The following SLC12A9 variants were observed in gnomAD, a reference collection of about 807,000 sequenced individuals.
SLC12A9 encodes CCC-interacting protein 1.
SLC12A9 carries 55 observed loss-of-function variants against 66.0 expected under a neutral mutation model. The ratio of observed to expected loss-of-function variants is 0.83; its 90% CI spans 0.67 to 1.04. SLC12A9 has a LOEUF of 1.04. SLC12A9 is among the 50% of genes least tolerant of loss of function. The probability of loss-of-function intolerance (pLI) is 0.00; values close to 1 mark genes in which losing one functional copy is unlikely to be tolerated. For synonymous variants in SLC12A9, 577 were observed against 569.0 expected, an observed-to-expected ratio of 1.01 and a Z score of -0.20; for missense variants, 1,061 against 1,241.9, an observed-to-expected ratio of 0.85 and a Z score of 2.19.
rs778054704 is a variant in SLC12A9 at position 100,857,181 on chromosome 7, G to A, written c.757+5G>A. ...CCCTGAAGGACAACTTGGGCGGTGA[G>A]CTGGGTGCTGCCGTGGCAGGGATCT... On this transcript the variant is annotated splice_donor_5th_base_variant and intron_variant, in intron 5 of 13. Coordinates refer to ENST00000354161, the MANE Select transcript of SLC12A9 (RefSeq NM_020246.4). The A allele has an allele frequency of 2.5e-6, 4 of 1,605,538 alleles. No individual in the cohort carries two copies. The South Asian group carries it at 4.4e-5, about 18-fold the overall frequency.
chr7:100,827,054 T>G, intron 1 of SLC12A9: 1 of 1,569,352 alleles, frequency 6.4e-7, no homozygotes, highest in Non-Finnish European at 8.6e-7. Context: ...TCGGGTAGGA[T>G]CCGAACTGAG....
At chr7:100,834,846 C>T (rs1813616792) in intron 1 of SLC12A9, among the ~76,000 whole-genome samples, 1 of 152,052 alleles carries the variant, frequency 6.6e-6, no homozygotes, top group African/African-American at 2.4e-5. Flanking sequence ...CCAGTCTGGG[C>T]AACAGAGCAA....
intron 1 of SLC12A9, among the ~76,000 whole-genome samples, chr7:100,837,826 A>G (rs1288580325): frequency 1.8e-5 from 2 of 113,256 alleles, no homozygotes; most frequent in African/African-American, 3.6e-5. Context: ...TATTTCATCT[A>G]TTTATTTTTA....
At position 100,858,935 on chromosome 7, in the gene SLC12A9, C is replaced by T. The variant is rs947912039; in HGVS notation, c.858C>T (p.Asn286=). 5 of 1,613,986 alleles carry T rather than the reference C, an allele frequency of 3.1e-6. No individual in the cohort carries two copies. The African/African-American group carries it at 4.0e-5, about 13-fold the overall frequency. The change falls in exon 6 of 14, where the codon AAC becomes AAT. Residue 286 remains asparagine, a synonymous_variant. Coordinates refer to ENST00000354161, the MANE Select transcript of SLC12A9 (RefSeq NM_020246.4). ...GTACAGGCATCATGGCTGGGGCCAA[C>T]ATGTCAGGTGAGAGTCCCTGCCTGC... ...NGCTGIMAGA[N]MSGELKDPSR...
chr7:100,843,622 C>G (rs1813834218), intron 1 of SLC12A9, among the ~76,000 whole-genome samples: 1 of 152,124 alleles, frequency 6.6e-6, no homozygotes, highest in Non-Finnish European at 1.5e-5. Context: ...GTTTAAGGGC[C>G]CTAGCAGCAA....
At position 100,845,852 on chromosome 7, in the gene SLC12A9, T is replaced by C. The variant is rs189306328; in HGVS notation, n.229-14033T>C. Among the ~76,000 whole-genome samples, 141 of 152,302 alleles carry C rather than the reference T, an allele frequency of 9.3e-4. 1 individual carries two copies. The highest frequency in any genetic ancestry group is 2.7e-3 in the African/African-American group (113 of 41,564). On this transcript the variant is annotated intron_variant and non_coding_transcript_variant, in intron 1 of 1. Transcript: ENST00000461016. ...GGCTCGTGAAGATACTGGACCCCCATTTATATAATCAACTGAATCATATGG... is the reference window on the plus strand; with the variant it reads ...GGCTCGTGAAGATACTGGACCCCCACTTATATAATCAACTGAATCATATGG...
intron 1 of SLC12A9, among the ~76,000 whole-genome samples, chr7:100,838,581 G>A (rs780461643): frequency 1.3e-5 from 2 of 151,980 alleles, no homozygotes; most frequent in African/African-American, 4.8e-5. Flanking sequence ...ACAGTGACGC[G>A]ATCTTGGCTC....
At position 100,858,905 on chromosome 7, in the gene SLC12A9, C is replaced by T. The variant is rs765458785; in HGVS notation, c.828C>T (p.Asn276=). Residue 276 remains asparagine, a synonymous_variant, in exon 6 of 14, where the codon AAC becomes AAT. Transcript: ENST00000354161. The stretch of plus-strand genomic sequence containing the variant: ...CCAGCGTCTTTGCTGTCCTCTTTAA[C>T]GGCTGTACAGGCATCATGGCTGGGG... The part of the protein sequence containing the change: ...NFASVFAVLF[N]GCTGIMAGAN... 1.5e-5 allele frequency: 24 copies of T among 1,614,048 alleles called. No individual in the cohort carries two copies. Among genetic ancestry groups the T allele is most frequent in the South Asian group, 1.1e-4 (10 of 91,090 alleles).
At chr7:100,826,962 C>CT (rs1554421537) in exon 1 of SLC12A9, 1 of 1,527,348 alleles carries the variant, frequency 6.5e-7, no homozygotes, top group East Asian at 2.5e-5. Context: ...TGCGCCCCCC[C>CT]CCGCAAGGAA....
Position 100,865,862 on chromosome 7 carries a change from C to T in SLC12A9, c.2002C>T (p.Pro668Ser), listed in dbSNP as rs1325022613. The T allele has an allele frequency of 1.9e-6, 3 of 1,613,776 alleles. No individual in the cohort carries two copies. In the East Asian group the frequency reaches 6.7e-5, roughly 36 times the overall value. The change falls in exon 14 of 14, where the codon CCT becomes TCT. Residue 668 changes from proline (P) to serine (S), a missense_variant. Physicochemically the swap from Pro to Ser is moderately conservative, Grantham distance 74. Transcript: ENST00000354161. ...SSPALSTLFPPPRAPGSPRAL... is the reference protein window; with the variant it reads ...SSPALSTLFPSPRAPGSPRAL... Reference sequence around the variant, plus strand: ...CCCAGCTCTGAGCACCCTGTTCCCTCCTCCCCGGGCTCCTGGGAGCCCCCG... The same window carrying T: ...CCCAGCTCTGAGCACCCTGTTCCCTTCTCCCCGGGCTCCTGGGAGCCCCCG...
intron 1 of SLC12A9, among the ~76,000 whole-genome samples, chr7:100,836,608 C>G (rs1365429855): frequency 6.6e-6 from 1 of 152,174 alleles, no homozygotes; most frequent in South Asian, 2.1e-4. Flanking sequence ...GGTCTAGCCT[C>G]GCACTGCTGC....
chr7:100,853,541 C>G (rs1360382825), intron 1 of SLC12A9: 1 of 146,294 alleles, frequency 6.8e-6, no homozygotes, highest in Non-Finnish European at 1.5e-5. Flanking sequence ...TGGGTGCGTT[C>G]CTGTTTCCTT....
intron 1 of SLC12A9, among the ~76,000 whole-genome samples, chr7:100,847,164 G>C (rs973660307): frequency 1.3e-5 from 2 of 152,186 alleles, no homozygotes; most frequent in African/African-American, 4.8e-5. Flanking sequence ...GAGGAGTTTT[G>C]TCTGCGGCTC....
In SLC12A9 at chr7:100,857,089, A is replaced by T. The variant is rs1364753951; in HGVS notation, c.670A>T (p.Arg224Trp). The change falls in exon 5 of 14, where the codon AGG becomes TGG. Residue 224 changes from arginine (R) to tryptophan (W), a missense_variant. Physicochemically the swap from Arg to Trp is moderately radical, Grantham distance 101 (BLOSUM62 -3). Coordinates refer to ENST00000354161, the MANE Select transcript of SLC12A9 (RefSeq NM_020246.4). ...GCCGAGGGACATCCGCTTGACTCCT[A>T]GGCCTGGCCCCAATGGCTCCTCCCT... is the stretch of plus-strand genomic sequence containing the variant. Reference protein sequence around the residue: ...VGPRDIRLTPRPGPNGSSLPP... With the variant: ...VGPRDIRLTPWPGPNGSSLPP... 1.3e-5 allele frequency: 21 copies of T among 1,613,990 alleles called. No homozygotes were observed. The highest frequency in any genetic ancestry group is 1.8e-5 in the Non-Finnish European group (21 of 1,180,032).
rs910252903 is a variant in SLC12A9, at chr7:100,866,872, G to A, written c.*267G>A. 7.4e-6 allele frequency: 3 copies of A among 403,384 alleles called. No individual in the cohort carries two copies. The highest frequency in any genetic ancestry group is 1.3e-5 in the Non-Finnish European group (3 of 227,874). The allele number at this position is 403,384 out of a possible 1,614,324, so 25.0% of individuals were successfully genotyped here. ...CCTTCACTGGTGCCTTGATGCTAGGGGCCAGGCCTCCTCTGTGACTCTGGG... is the reference window on the plus strand; with the variant it reads ...CCTTCACTGGTGCCTTGATGCTAGGAGCCAGGCCTCCTCTGTGACTCTGGG... On this transcript the variant is annotated 3_prime_UTR_variant, in exon 14 of 14. Coordinates refer to ENST00000354161, the MANE Select transcript of SLC12A9 (RefSeq NM_020246.4). The surrounding 1 kb of genome is among the most constrained non-coding windows in gnomAD (Gnocchi z 7.3).
intron 7 of SLC12A9, 111 bp downstream of exon 7, chr7:100,859,272 G>A: frequency 1.9e-6 from 2 of 1,027,270 alleles, no homozygotes; most frequent in Non-Finnish European, 3.0e-6. Flanking sequence ...TTGTTGGGGT[G>A]GAGGGTGGCT....
chr7:100,861,647 G>A lies in SLC12A9; in HGVS notation c.1536+63G>A. 6.2e-7 allele frequency: 1 copy of A among 1,604,682 alleles called. No individual in the cohort carries two copies. Among genetic ancestry groups the A allele is most frequent in the East Asian group, 2.2e-5 (1 of 44,742 alleles). ...TGGTCAAAGAACCCCCTCTCTCTTTGGCTGGAGTTGGTGCTCCCGTCCAGG... is the reference window on the plus strand; with the variant it reads ...TGGTCAAAGAACCCCCTCTCTCTTTAGCTGGAGTTGGTGCTCCCGTCCAGG... On this transcript the variant is annotated intron_variant, in intron 11 of 13. Coordinates refer to ENST00000354161, the MANE Select transcript of SLC12A9 (RefSeq NM_020246.4). The surrounding 1 kb of genome is among the most constrained non-coding windows in gnomAD (Gnocchi z 5.3).
At chr7:100,839,962 AAAAG>A (rs924846353) in intron 1 of SLC12A9, among the ~76,000 whole-genome samples, 2 of 152,090 alleles carry the variant, frequency 1.3e-5, no homozygotes, top group Non-Finnish European at 2.9e-5. Context: ...AAAAAAAAAA[AAAAG>A]AAACTTGCCC....
At chr7:100,865,227 C>A in intron 13 of SLC12A9, 1 of 1,531,792 alleles carries the variant, frequency 6.5e-7, no homozygotes, top group South Asian at 1.2e-5. Context: ...CAAGATGCTG[C>A]GATTACAGGT....
Sources: allele counts gnomAD v4.1 joint callset (sites outside exome capture counted in the v4.1 genomes callset), GRCh38; gene constraint gnomAD v4.1.1; non-coding constraint Gnocchi (gnomAD v3.1); transcripts MANE v1.5; gene names NCBI Gene and HGNC (gene_info 2026-07-23, HGNC 2026-07-21).